Variants in OSBPL2 observed in about 807,000 individuals in gnomAD.
OSBPL2 encodes the protein oxysterol-binding protein-related protein 2.
Under a neutral mutation model 58.4 loss-of-function variants are expected in OSBPL2, and 18 were observed. That is an observed-to-expected ratio of 0.31 (90% CI 0.21 to 0.46). OSBPL2 has a LOEUF of 0.46. Ranked by LOEUF, OSBPL2 falls within the 20% of genes least tolerant of loss-of-function variation. The probability of loss-of-function intolerance (pLI) is 1.00; values close to 1 mark genes in which losing one functional copy is unlikely to be tolerated. For synonymous variants in OSBPL2, 221 were observed against 234.1 expected (o/e 0.94, Z 0.51); for missense variants, 461 against 616.5 (o/e 0.75, Z 2.67).
chr20:62,244,698 A>G (rs1438305011), intron 1 of OSBPL2, among the ~76,000 whole-genome samples: 1 of 152,260 alleles, frequency 6.6e-6, no homozygotes, highest in Non-Finnish European at 1.5e-5. Context: ...CAGTTAAGTC[A>G]GCGACAAGAC....
intron 6 of OSBPL2, among the ~76,000 whole-genome samples, chr20:62,276,333 G>A (rs552401685): frequency 1.3e-5 from 2 of 152,230 alleles, no homozygotes; most frequent in African/African-American, 4.8e-5. Flanking sequence ...TGTCCTAGAA[G>A]GTGTGTCAGC....
rs773247352 is a variant in OSBPL2, at chr20:62,286,668, A to G, written c.1082A>G (p.Lys361Arg). 1.1e-5 allele frequency: 18 copies of G among 1,613,602 alleles called. No individual in the cohort carries two copies. Among genetic ancestry groups the G allele is most frequent in the East Asian group, 2.2e-5 (1 of 44,904 alleles). The change falls in exon 11 of 14, where the codon AAG becomes AGG. Residue 361 changes from lysine (K) to arginine (R), a missense_variant. Around this residue, in one of 5 missense-constraint regions of OSBPL2, gnomAD observed 319 missense variants for 419.2 expected, o/e 0.76. Transcript: ENST00000313733. Reference sequence around the variant, plus strand: ...ACCGTGCAGGTCATTCCTGGCAGCAAGCTGCTCTGGAGGATCAACACCCGG... The same window carrying G: ...ACCGTGCAGGTCATTCCTGGCAGCAGGCTGCTCTGGAGGATCAACACCCGG... Reference protein sequence around the residue: ...QETVQVIPGSKLLWRINTRPP... With the variant: ...QETVQVIPGSRLLWRINTRPP...
chr20:62,289,943 C>G (rs920973920), intron 12 of OSBPL2, among the ~76,000 whole-genome samples: 1 of 152,156 alleles, frequency 6.6e-6, no homozygotes, highest in Non-Finnish European at 1.5e-5. Context: ...AAACAAAAAA[C>G]AAAGTACAAG....
intron 9 of OSBPL2, among the ~76,000 whole-genome samples, chr20:62,282,696 G>A (rs545769469): frequency 1.1e-4 from 16 of 152,294 alleles, no homozygotes; most frequent in African/African-American, 3.6e-4. Flanking sequence ...GTGTGATGGC[G>A]CACATCTGTA....
In OSBPL2 at chr20:62,275,673, C is replaced by A. The variant is rs531325285; in HGVS notation, c.491+2267C>A. Among the ~76,000 whole-genome samples the A allele has an allele frequency of 4.6e-5, 7 of 152,160 alleles. No individual in the cohort carries two copies. In the East Asian group the frequency reaches 1.4e-3, roughly 30 times the overall value. ...GTGTTGCCCAGGCTGCTCTTGAACT[C>A]CTGAGCTCAAGTGATCTGCCTCCCT... On this transcript the variant is annotated intron_variant, in intron 6 of 13. Transcript: ENST00000313733.
Position 62,269,882 on chromosome 20 carries a change from G to T in OSBPL2, c.259-2243G>T, listed in dbSNP as rs1331288124. Among the ~76,000 whole-genome samples, 1 of 152,230 alleles carries T rather than the reference G, an allele frequency of 6.6e-6. No individual in the cohort carries two copies. Among genetic ancestry groups the T allele is most frequent in the Non-Finnish European group, 1.5e-5 (1 of 68,046 alleles). On this transcript the variant is annotated intron_variant, in intron 4 of 13. Coordinates refer to ENST00000313733, the MANE Select transcript of OSBPL2 (RefSeq NM_144498.4). This position sits in a 1 kb window ranked among gnomAD's most constrained non-coding sequence, Gnocchi z 4.2. ...CCGGGGCTGCCTCAGTTGGAATCCAGTTCTAGCCCCTCCTAAGCCCACAGT... is the reference window on the plus strand; with the variant it reads ...CCGGGGCTGCCTCAGTTGGAATCCATTTCTAGCCCCTCCTAAGCCCACAGT...
chr20:62,255,159 G>C (rs990193823), intron 1 of OSBPL2: 2 of 149,536 alleles, frequency 1.3e-5, no homozygotes, highest in Non-Finnish European at 2.9e-5. Context: ...GTGCAGTGGC[G>C]TGATCTCGGC....
At chr20:62,282,160 T>G in intron 9 of OSBPL2, 2 of 265,934 alleles carry the variant, frequency 7.5e-6, no homozygotes, top group African/African-American at 2.2e-5. Context: ...GTCAGCTATT[T>G]CCACTGGGAG....
intron 2 of OSBPL2, 93 bp downstream of exon 2, chr20:62,256,314 T>C: frequency 3.4e-6 from 4 of 1,160,130 alleles, no homozygotes; most frequent in Non-Finnish European, 3.8e-6. Context: ...GTAAAGATGC[T>C]CAGTAAAGCA....
intron 1 of OSBPL2, among the ~76,000 whole-genome samples, chr20:62,251,037 ATTTTTTTTTTT>A (rs35328509): frequency 1.0e-5 from 1 of 97,808 alleles, no homozygotes; most frequent in South Asian, 3.2e-4. Flanking sequence ...AGAGCAATAG[ATTTTTTTTTTT>A]TTTTTTTTTT....
chr20:62,291,574 C>T, intron 12 of OSBPL2, 129 bp from the exon 13 acceptor site: 2 of 817,600 alleles, frequency 2.4e-6, no homozygotes, highest in South Asian at 2.8e-5. Flanking sequence ...GTCTCCCGAT[C>T]ACAGAACCTG....
rs571561776 is a variant in OSBPL2, at chr20:62,246,143, G to T, written c.-129+7546G>T. On this transcript the variant is annotated intron_variant, in intron 1 of 13. Coordinates refer to ENST00000313733, the MANE Select transcript of OSBPL2 (RefSeq NM_144498.4). Reference sequence around the variant, plus strand: ...GCCCTCTGCTCTCGCTGCTGCCGCCGCCTCCATCTTCCTCCACCCTCTGGT... The same window carrying T: ...GCCCTCTGCTCTCGCTGCTGCCGCCTCCTCCATCTTCCTCCACCCTCTGGT... 4.6e-5 allele frequency among the ~76,000 whole-genome samples: 7 copies of T among 152,362 alleles called. No homozygotes were observed. In the East Asian group the frequency reaches 1.4e-3, roughly 29 times the overall value.
chr20:62,248,664 C>T (rs1465986175), intron 1 of OSBPL2, among the ~76,000 whole-genome samples: 1 of 147,534 alleles, frequency 6.8e-6, no homozygotes, highest in Non-Finnish European at 1.5e-5. Flanking sequence ...CCTGAACTGT[C>T]AGATCTGCTT....
At chr20:62,274,760 G>A (rs1030799300) in intron 6 of OSBPL2, among the ~76,000 whole-genome samples, 5 of 152,274 alleles carry the variant, frequency 3.3e-5, no homozygotes, top group African/African-American at 1.2e-4. Flanking sequence ...CAAGTCTGCT[G>A]TGCAGAATGC....
In OSBPL2 at chr20:62,249,266, C is replaced by T. The variant is rs549975135; in HGVS notation, c.-128-6791C>T. Among the ~76,000 whole-genome samples, 13 of 152,268 alleles carry T rather than the reference C, an allele frequency of 8.5e-5. No individual in the cohort carries two copies. In the South Asian group the frequency reaches 2.3e-3, roughly 27 times the overall value. On this transcript the variant is annotated intron_variant, in intron 1 of 13. Transcript: ENST00000313733. ...TGGAGAAGGACAAAGGGCAAGAGGCCAGCAGAGATGCCCAGCACAGACTCA... is the reference window on the plus strand; with the variant it reads ...TGGAGAAGGACAAAGGGCAAGAGGCTAGCAGAGATGCCCAGCACAGACTCA...
At chr20:62,282,302 C>T (rs1465698113) in intron 9 of OSBPL2, among the ~76,000 whole-genome samples, 1 of 152,192 alleles carries the variant, frequency 6.6e-6, no homozygotes, top group Admixed American at 6.5e-5. Context: ...GTCAGTGTCA[C>T]GTGACCAGTT....
intron 11 of OSBPL2, among the ~76,000 whole-genome samples, chr20:62,287,005 GC>G (rs1568852339): frequency 1.3e-5 from 2 of 152,382 alleles, no homozygotes; most frequent in African/African-American, 4.8e-5. Context: ...TGTCAGAGCT[GC>G]CCGCCGGGCA....
chr20:62,265,449 G>T (rs1478114760), intron 4 of OSBPL2, among the ~76,000 whole-genome samples: 1 of 152,094 alleles, frequency 6.6e-6, no homozygotes, highest in Non-Finnish European at 1.5e-5. Flanking sequence ...GAATGCTCTA[G>T]TTCAGCTTAT....
chr20:62,244,419 C>G (rs1485381970), intron 1 of OSBPL2, among the ~76,000 whole-genome samples: 1 of 152,210 alleles, frequency 6.6e-6, no homozygotes, highest in Non-Finnish European at 1.5e-5. Context: ...GGAGTGCTCT[C>G]CCTGCCCTCC....
Sources: gnomAD v4.1 joint callset for allele counts (sites outside exome capture counted in the v4.1 genomes callset) on GRCh38, gnomAD v4.1.1 for gene constraint, gnomAD v4.1.1 regional missense constraint, Gnocchi (gnomAD v3.1) non-coding constraint, MANE v1.5 for transcripts, NCBI Gene and HGNC (gene_info 2026-07-23, HGNC 2026-07-21) for gene names.